The following ZCCHC17 variants were observed in gnomAD, a reference collection of about 807,000 sequenced individuals.
ZCCHC17 encodes the protein zinc finger CCHC-type containing 17.
ZCCHC17 carries 18 observed loss-of-function variants against 30.6 expected under a neutral mutation model. That is an observed-to-expected ratio of 0.59 (90% CI 0.41 to 0.87). The LOEUF is 0.87. ZCCHC17 is among the 40% of genes least tolerant of loss of function. The probability of loss-of-function intolerance (pLI) is 0.00; values close to 1 mark genes in which losing one functional copy is unlikely to be tolerated. For synonymous variants in ZCCHC17, 88 were observed against 92.4 expected (o/e 0.95, Z 0.27); for missense variants, 263 against 284.2 (o/e 0.93, Z 0.54).
At chr1:31,362,635 G>A (rs561668009) in intron 7 of ZCCHC17, among the ~76,000 whole-genome samples, 1 of 152,258 alleles carries the variant, frequency 6.6e-6, no homozygotes, top group Admixed American at 6.5e-5. Context: ...ATATTCAAGG[G>A]TAGCAAGTAC....
chr1:31,346,562 C>A, intron 5 of ZCCHC17, 78 bp from the exon 6 acceptor site: 3 of 1,445,194 alleles, frequency 2.1e-6, no homozygotes, highest in South Asian at 3.4e-5. Flanking sequence ...AACAAAAAAC[C>A]AACATACAAC....
intron 7 of ZCCHC17, among the ~76,000 whole-genome samples, chr1:31,361,289 C>T (rs1639882681): frequency 6.6e-6 from 1 of 152,198 alleles, no homozygotes; most frequent in Admixed American, 6.5e-5. Flanking sequence ...TTTGACTTGT[C>T]TCCTGTAGAT....
chr1:31,361,779 G>A (rs531396680), intron 7 of ZCCHC17, among the ~76,000 whole-genome samples: 4 of 149,586 alleles, frequency 2.7e-5, no homozygotes, highest in African/African-American at 9.8e-5. Context: ...TTTGGGGAGA[G>A]GGGGAGATTA....
In ZCCHC17 at chr1:31,364,859, A is replaced by G. The variant is rs1389221486; in HGVS notation, c.*666A>G. The G allele has an allele frequency of 6.6e-6, 1 of 152,272 alleles. No homozygotes were observed. The highest frequency in any genetic ancestry group is 1.5e-5 in the Non-Finnish European group (1 of 68,070). The allele number at this position is 152,272 out of a possible 1,614,324, so 9.4% of individuals were successfully genotyped here. On this transcript the variant is annotated 3_prime_UTR_variant, in exon 8 of 8. Transcript: ENST00000344147. ...ATCATTGTTCTACTTTGTATTTACT[A>G]CTGTGTGAATCAGTTGATTCTACTT... is the stretch of plus-strand genomic sequence containing the variant.
chr1:31,357,199 T>C (rs1639675002), intron 7 of ZCCHC17, among the ~76,000 whole-genome samples: 1 of 152,212 alleles, frequency 6.6e-6, no homozygotes, highest in Non-Finnish European at 1.5e-5. Flanking sequence ...TTGGCTGCAG[T>C]GTTGGCTCTG....
intron 7 of ZCCHC17, among the ~76,000 whole-genome samples, chr1:31,359,662 G>C (rs1342736242): frequency 6.6e-6 from 1 of 152,098 alleles, no homozygotes; most frequent in Non-Finnish European, 1.5e-5. Flanking sequence ...CAGAACTATA[G>C]TGAAAATGGG....
intron 7 of ZCCHC17, among the ~76,000 whole-genome samples, chr1:31,349,960 A>AT (rs1466358123): frequency 6.6e-6 from 1 of 152,212 alleles, no homozygotes; most frequent in East Asian, 1.9e-4. Context: ...CTCTTGATAC[A>AT]TTTTATCAAA....
At position 31,364,872 on chromosome 1, in the gene ZCCHC17, G is replaced by C. The variant is rs922275160; in HGVS notation, c.*679G>C. Reference sequence around the variant, plus strand: ...TTTGTATTTACTACTGTGTGAATCAGTTGATTCTACTTCAGGTCCTTGCTT... The same window carrying C: ...TTTGTATTTACTACTGTGTGAATCACTTGATTCTACTTCAGGTCCTTGCTT... On this transcript the variant is annotated 3_prime_UTR_variant, in exon 8 of 8. Transcript: ENST00000344147. 6.6e-6 allele frequency: 1 copy of C among 152,248 alleles called. No homozygotes were observed. The highest frequency in any genetic ancestry group is 1.5e-5 in the Non-Finnish European group (1 of 68,040). 9.4% of individuals were successfully genotyped at this position (152,248 alleles called of 1,614,324 possible).
At chr1:31,314,904 T>A (rs1646694542) in intron 2 of ZCCHC17, among the ~76,000 whole-genome samples, 1 of 152,178 alleles carries the variant, frequency 6.6e-6, no homozygotes, top group South Asian at 2.1e-4. Flanking sequence ...TGACCTCAAG[T>A]GATCCATCTG....
intron 5 of ZCCHC17, among the ~76,000 whole-genome samples, chr1:31,342,752 G>A (rs953806046): frequency 6.6e-6 from 1 of 152,164 alleles, no homozygotes; most frequent in African/African-American, 2.4e-5. Context: ...TGGGGGTTAG[G>A]GACTCCCTGT....
At chr1:31,326,062 A>C (rs1366007385) in intron 3 of ZCCHC17, among the ~76,000 whole-genome samples, 1 of 152,116 alleles carries the variant, frequency 6.6e-6, no homozygotes, top group Non-Finnish European at 1.5e-5. Flanking sequence ...AACATGTTGC[A>C]GAAGACTTTG....
At chr1:31,306,505 A>G (rs575795681) in intron 1 of ZCCHC17, among the ~76,000 whole-genome samples, 1 of 152,330 alleles carries the variant, frequency 6.6e-6, no homozygotes, top group South Asian at 2.1e-4. Context: ...TCACACTAAT[A>G]AGAACAACAT....
intron 2 of ZCCHC17, chr1:31,318,139 ATTGTT>A: frequency 1.3e-6 from 2 of 1,514,838 alleles, no homozygotes. Context: ...TGCAGTCAGG[ATTGTT>A]TTATTTACTC....
intron 7 of ZCCHC17, among the ~76,000 whole-genome samples, chr1:31,351,320 C>T (rs1164583566): frequency 6.6e-6 from 1 of 152,184 alleles, no homozygotes; most frequent in Admixed American, 6.5e-5. Context: ...TGCTACTGTA[C>T]AGTTTATCCC....
intron 7 of ZCCHC17, 70 bp from the exon 8 acceptor site, chr1:31,363,962 C>T (rs1640031036): frequency 6.4e-7 from 1 of 1,564,162 alleles, no homozygotes; most frequent in African/African-American, 1.4e-5. Context: ...TGCACCTGGC[C>T]AATTATGTGC....
At chr1:31,313,068 C>CTTTTTTTTTTT (rs59004055) in intron 2 of ZCCHC17, among the ~76,000 whole-genome samples, 3 of 113,484 alleles carry the variant, frequency 2.6e-5, no homozygotes, top group Admixed American at 1.0e-4. Context: ...CACTGGGCCT[C>CTTTTTTTTTTT]TTTTTTTTTT....
chr1:31,327,412 T>C (rs1281295110), intron 3 of ZCCHC17, among the ~76,000 whole-genome samples: 2 of 152,238 alleles, frequency 1.3e-5, no homozygotes, highest in African/African-American at 4.8e-5. Context: ...AGGAAAACAC[T>C]TTACAGTAGT....
chr1:31,308,974 C>T (rs915261899), intron 1 of ZCCHC17, among the ~76,000 whole-genome samples: 16 of 152,142 alleles, frequency 1.1e-4, no homozygotes, highest in Admixed American at 5.9e-4. Flanking sequence ...AAAACCACTT[C>T]TACATATAAA....
chr1:31,307,606 C>T (rs991781384), intron 1 of ZCCHC17, among the ~76,000 whole-genome samples: 11 of 150,354 alleles, frequency 7.3e-5, no homozygotes, highest in Non-Finnish European at 1.5e-4. Context: ...GACGGAGTCT[C>T]ACTGTGTCAT....
Sources: allele counts gnomAD v4.1 joint callset (sites outside exome capture counted in the v4.1 genomes callset), GRCh38; gene constraint gnomAD v4.1.1; transcripts MANE v1.5; gene names NCBI Gene and HGNC (gene_info 2026-07-23, HGNC 2026-07-21).